The following ATP1A1 variants were observed in gnomAD, a reference collection of about 807,000 sequenced individuals.
ATP1A1 encodes the protein sodium/potassium-transporting ATPase subunit alpha-1.
In ATP1A1, 14 loss-of-function variants were observed where a neutral mutation model predicts 114.8. The observed-to-expected ratio is 0.12, with a 90% CI of 0.08 to 0.19. ATP1A1 has a LOEUF of 0.19. Ranked by LOEUF, ATP1A1 falls within the 10% of genes least tolerant of loss-of-function variation. The pLI, the probability that ATP1A1 is intolerant of heterozygous loss-of-function variation, is 1.00. For synonymous variants in ATP1A1, 471 were observed against 466.3 expected (o/e 1.01, Z -0.13); for missense variants, 524 against 1,290.7 (o/e 0.41, Z 9.10).
rs537432124 is a variant in ATP1A1, at chr1:116,374,321, G to A, written c.12+798G>A. The A allele has an allele frequency of 6.0e-5, 93 of 1,547,972 alleles. 2 individuals are homozygous for A. The South Asian group carries it at 1.1e-3, about 18-fold the overall frequency. ...TGGCAACTGGAGTTGTCATCCGATG[G>A]TGGGGAGAGGCGTGCAGATTTTTTT... On this transcript the variant is annotated intron_variant, in intron 1 of 22. Coordinates refer to ENST00000295598, the MANE Select transcript of ATP1A1 (RefSeq NM_000701.8).
chr1:116,387,190 TC>T lies in ATP1A1; in HGVS notation c.184-96del, dbSNP rs1448740394. On this transcript the variant is annotated intron_variant, in intron 3 of 22. Transcript: ENST00000295598. This position sits in a 1 kb window ranked among gnomAD's most constrained non-coding sequence, Gnocchi z 6.7. ...CTCTAGCTTGGGACATTTTGTTTCT[TC>T]CTTAAATCCTTATTGCAACCGTCCA... is the stretch of plus-strand genomic sequence containing the variant. The T allele has an allele frequency of 1.8e-5, 25 of 1,386,614 alleles. No individual in the cohort carries two copies. The East Asian group carries it at 4.7e-4, about 26-fold the overall frequency. 85.9% of individuals were successfully genotyped at this position (1,386,614 alleles called of 1,614,324 possible). A position where few individuals can be genotyped will look rare whatever the true frequency, so the allele number is the denominator to read the frequency against.
At chr1:116,382,979 G>T (rs1651845435) in intron 1 of ATP1A1, among the ~76,000 whole-genome samples, 1 of 152,168 alleles carries the variant, frequency 6.6e-6, no homozygotes, top group Non-Finnish European at 1.5e-5. Flanking sequence ...GGAACAAGGG[G>T]CTCTTCTGCT....
rs1032898279 is a variant in ATP1A1, at chr1:116,387,989, T to A, written c.388-142T>A. On this transcript the variant is annotated intron_variant, in intron 4 of 22. Coordinates refer to ENST00000295598, the MANE Select transcript of ATP1A1 (RefSeq NM_000701.8). This position sits in a 1 kb window ranked among gnomAD's most constrained non-coding sequence, Gnocchi z 6.7. ...CCTTCCTGTGTGGTCTTTAGAAGGA[T>A]AAATAAGAAAACATGAGTTCTATAT... 2.1e-5 allele frequency: 13 copies of A among 631,332 alleles called. No individual in the cohort carries two copies. The Admixed American group carries it at 4.0e-4, about 19-fold the overall frequency. The allele number at this position is 631,332 out of a possible 1,614,324, so 39.1% of individuals were successfully genotyped here.
At chr1:116,382,714 G>A (rs1570947032) in intron 1 of ATP1A1, 1 of 150,986 alleles carries the variant, frequency 6.6e-6, no homozygotes, top group South Asian at 2.1e-4. Flanking sequence ...GCAACTATTA[G>A]TTATGACTGA....
At position 116,399,592 on chromosome 1, in the gene ATP1A1, G is replaced by A; in HGVS notation, c.2572+49G>A. The A allele has an allele frequency of 6.2e-7, 1 of 1,609,500 alleles. No individual in the cohort carries two copies. Among genetic ancestry groups the A allele is most frequent in the Non-Finnish European group, 8.5e-7 (1 of 1,177,542 alleles). ...AGCTGGCACATCTAAGGCATCTGAG[G>A]TGATGGTGTCCACCTCAGGTTGAGG... On this transcript the variant is annotated intron_variant, in intron 18 of 22. Transcript: ENST00000295598. The surrounding 1 kb of genome is among the most constrained non-coding windows in gnomAD (Gnocchi z 5.0).
chr1:116,388,296 G>A lies in ATP1A1; in HGVS notation c.501+52G>A. On this transcript the variant is annotated intron_variant, in intron 5 of 22. Coordinates refer to ENST00000295598, the MANE Select transcript of ATP1A1 (RefSeq NM_000701.8). The surrounding 1 kb of genome is among the most constrained non-coding windows in gnomAD (Gnocchi z 5.6). The stretch of plus-strand genomic sequence containing the variant: ...TGGATGACTTGACAGCCCCAAGCAT[G>A]TCAGCCTGTGAATTAGTGTGAAGTT... The A allele has an allele frequency of 7.2e-7, 1 of 1,393,310 alleles. No homozygotes were observed. The allele number at this position is 1,393,310 out of a possible 1,614,324, so 86.3% of individuals were successfully genotyped here. A position where few individuals can be genotyped will look rare whatever the true frequency, so the allele number is the denominator to read the frequency against.
intron 1 of ATP1A1, chr1:116,383,405 A>T: frequency 1.0e-6 from 1 of 960,094 alleles, no homozygotes; most frequent in Non-Finnish European, 1.3e-6. Flanking sequence ...CAAAGAATAT[A>T]AACAGTATAA....
At chr1:116,378,311 C>G (rs535905503) in intron 1 of ATP1A1, among the ~76,000 whole-genome samples, 1 of 152,326 alleles carries the variant, frequency 6.6e-6, no homozygotes, top group African/African-American at 2.4e-5. Flanking sequence ...TTAGACCTCA[C>G]TTACTAGTTC....
rs368943881 is a variant in ATP1A1, at chr1:116,388,074, G to T, written c.388-57G>T. The T allele has an allele frequency of 1.3e-3, 1,454 of 1,125,830 alleles. 29 individuals carry two copies. The South Asian group carries it at 0.019, about 15-fold the overall frequency. 69.7% of individuals were successfully genotyped at this position (1,125,830 alleles called of 1,614,324 possible). A position where few individuals can be genotyped will look rare whatever the true frequency, so the allele number is the denominator to read the frequency against. ...TTTTTATTCAGTCAAAAAATTAATT[G>T]AATGTCCCTAATTATTGTGTAGAGC... On this transcript the variant is annotated intron_variant, in intron 4 of 22. Transcript: ENST00000295598. The surrounding 1 kb of genome is among the most constrained non-coding windows in gnomAD (Gnocchi z 5.6).
chr1:116,391,853 G>C (rs1433394996), intron 10 of ATP1A1, among the ~76,000 whole-genome samples: 1 of 152,184 alleles, frequency 6.6e-6, no homozygotes, highest in Non-Finnish European at 1.5e-5. Flanking sequence ...AAAAACCCCA[G>C]AAAGGTAGCA....
Position 116,401,016 on chromosome 1 carries a change from C to T in ATP1A1, c.2718+10C>T. On this transcript the variant is annotated intron_variant, in intron 19 of 22. Transcript: ENST00000295598. The surrounding 1 kb of genome is among the most constrained non-coding windows in gnomAD (Gnocchi z 4.7). ...CTACGGGCAGCAGTGGGTGAGTGGG[C>T]ACCTCTGACCTGACCAGTGTCAGAG... 6.2e-7 allele frequency: 1 copy of T among 1,614,074 alleles called. No homozygotes were observed. The highest frequency in any genetic ancestry group is 1.1e-5 in the South Asian group (1 of 91,078).
rs757594670 is a variant in ATP1A1, at chr1:116,398,063, G to C, written c.2124+25G>C. On this transcript the variant is annotated intron_variant, in intron 15 of 22. Coordinates refer to ENST00000295598, the MANE Select transcript of ATP1A1 (RefSeq NM_000701.8). The surrounding 1 kb of genome is among the most constrained non-coding windows in gnomAD (Gnocchi z 6.1). ...GGTCAGCCAGCACAAGGATCAGGCT[G>C]CTTTGGGCACTATTGGCTTTAGGGA... The C allele has an allele frequency of 6.2e-7, 1 of 1,612,338 alleles. No individual in the cohort carries two copies. Among genetic ancestry groups the C allele is most frequent in the South Asian group, 1.1e-5 (1 of 90,802 alleles).
intron 10 of ATP1A1, chr1:116,392,107 A>T (rs775251057): frequency 2.0e-5 from 3 of 152,198 alleles, no homozygotes; most frequent in Non-Finnish European, 4.4e-5. Context: ...GCAGCCTTAC[A>T]TGTTAAGGTT....
rs549591952 is a variant in ATP1A1, at chr1:116,386,378, A to G, written c.184-910A>G. ...CCCATTACTCAAATGCTGCGGGTCTATTTCTTTACTTATAAAATGAGGTTA... is the reference window on the plus strand; with the variant it reads ...CCCATTACTCAAATGCTGCGGGTCTGTTTCTTTACTTATAAAATGAGGTTA... On this transcript the variant is annotated intron_variant, in intron 3 of 22. Transcript: ENST00000295598. Among the ~76,000 whole-genome samples, 11 of 152,154 alleles carry G rather than the reference A, an allele frequency of 7.2e-5. No individual in the cohort carries two copies. In the South Asian group the frequency reaches 8.3e-4, roughly 11 times the overall value.
In ATP1A1 at chr1:116,395,089, A is replaced by G; in HGVS notation, c.1661-21A>G. The G allele has an allele frequency of 2.5e-6, 4 of 1,606,730 alleles. No individual in the cohort carries two copies. Among genetic ancestry groups the G allele is most frequent in the Non-Finnish European group, 3.4e-6 (4 of 1,175,556 alleles). On this transcript the variant is annotated intron_variant, in intron 12 of 22. Coordinates refer to ENST00000295598, the MANE Select transcript of ATP1A1 (RefSeq NM_000701.8). This position sits in a 1 kb window ranked among gnomAD's most constrained non-coding sequence, Gnocchi z 6.4. ...TGCCCAGCGTCACTGAAATTTTCAA[A>G]GGCTCCTGTCCTCCTCGCAGGTTTC...
Position 116,385,262 on chromosome 1 carries a change from T to A in ATP1A1, c.183+420T>A. 5.2e-6 allele frequency: 1 copy of A among 192,458 alleles called. No homozygotes were observed. The highest frequency in any genetic ancestry group is 9.2e-5 in the South Asian group (1 of 10,848). 11.9% of individuals were successfully genotyped at this position (192,458 alleles called of 1,614,324 possible). A position where few individuals can be genotyped will look rare whatever the true frequency, so the allele number is the denominator to read the frequency against. On this transcript the variant is annotated intron_variant, in intron 3 of 22. Coordinates refer to ENST00000295598, the MANE Select transcript of ATP1A1 (RefSeq NM_000701.8). This position sits in a 1 kb window ranked among gnomAD's most constrained non-coding sequence, Gnocchi z 4.3. Reference sequence around the variant, plus strand: ...TCCCAGCTAGCCCATTGCAGTGTGTTATGGTTATACTATCATTTGTTTAGT... The same window carrying A: ...TCCCAGCTAGCCCATTGCAGTGTGTAATGGTTATACTATCATTTGTTTAGT...
In ATP1A1 at chr1:116,388,039, A is replaced by G. The variant is rs373629286; in HGVS notation, c.388-92A>G. On this transcript the variant is annotated intron_variant, in intron 4 of 22. Coordinates refer to ENST00000295598, the MANE Select transcript of ATP1A1 (RefSeq NM_000701.8). The surrounding 1 kb of genome is among the most constrained non-coding windows in gnomAD (Gnocchi z 5.6). ...TTTCTGAAATCTTGGTTTCTCTATT[A>G]AAAATCTGTTTTTTATTCAGTCAAA... 3.6e-6 allele frequency: 3 copies of G among 822,392 alleles called. No individual in the cohort carries two copies. The African/African-American group carries it at 5.2e-5, about 14-fold the overall frequency. 50.9% of individuals were successfully genotyped at this position (822,392 alleles called of 1,614,324 possible).
In ATP1A1 at chr1:116,400,953, G is replaced by A. The variant is rs1570979962; in HGVS notation, c.2665G>A (p.Asp889Asn). 6.2e-7 allele frequency: 1 copy of A among 1,614,210 alleles called. No homozygotes were observed. Among genetic ancestry groups the A allele is most frequent in the Non-Finnish European group, 8.5e-7 (1 of 1,180,038 alleles). Residue 889 changes from aspartate to asparagine, a missense_variant, in exon 19 of 23, where the codon GAC (aspartate) becomes AAC (asparagine). By Grantham distance (23) the Asp-to-Asn change is conservative. Transcript: ENST00000295598. ...AATTCACCTGTTGGGCCTCCGAGTG[G>A]ACTGGGATGACCGCTGGATCAACGA... is the stretch of plus-strand genomic sequence containing the variant. ...LPIHLLGLRV[D>N]WDDRWINDVE... is the part of the protein sequence containing the mutation.
chr1:116,388,856 G>A lies in ATP1A1; in HGVS notation c.637-46G>A, dbSNP rs755874466. The A allele has an allele frequency of 6.2e-7, 1 of 1,613,222 alleles. No individual in the cohort carries two copies. Among genetic ancestry groups the A allele is most frequent in the South Asian group, 1.1e-5 (1 of 91,008 alleles). ...TGAGGGGTACAGTAGCCCATGATAA[G>A]GCTGGTGTATTCACATGACATTTTT... On this transcript the variant is annotated intron_variant, in intron 6 of 22. Transcript: ENST00000295598. The surrounding 1 kb of genome is among the most constrained non-coding windows in gnomAD (Gnocchi z 5.6).
Sources: gnomAD v4.1 joint callset for allele counts (sites outside exome capture counted in the v4.1 genomes callset) on GRCh38, gnomAD v4.1.1 for gene constraint, Gnocchi (gnomAD v3.1) non-coding constraint, MANE v1.5 for transcripts, NCBI Gene and HGNC (gene_info 2026-07-23, HGNC 2026-07-21) for gene names.